The following GDF11 variants were observed in gnomAD, a reference collection of about 807,000 sequenced individuals.
The protein encoded by GDF11 is growth/differentiation factor 11.
Under a neutral mutation model 34.4 loss-of-function variants are expected in GDF11, and 12 were observed. That is an observed-to-expected ratio of 0.35 (90% CI 0.22 to 0.57). The LOEUF is 0.57. Among genes scored for constraint, GDF11 ranks in the 20% least tolerant of loss-of-function variants. The pLI, the probability that GDF11 is intolerant of heterozygous loss-of-function variation, is 0.86. For synonymous variants in GDF11, 212 were observed against 231.1 expected (o/e 0.92, Z 0.75); for missense variants, 346 against 548.2 (o/e 0.63, Z 3.68).
rs1410302286 is a variant in GDF11, at chr12:55,750,930, C to T, written c.*1048C>T. ...GAGACCAAAGAGCCTCTGGAATGGCCCTGCTCCCAGCCTCTATCTTCAGGT... is the reference window on the plus strand; with the variant it reads ...GAGACCAAAGAGCCTCTGGAATGGCTCTGCTCCCAGCCTCTATCTTCAGGT... On this transcript the variant is annotated 3_prime_UTR_variant, in exon 3 of 3. Coordinates refer to ENST00000257868, the MANE Select transcript of GDF11 (RefSeq NM_005811.5). The T allele has an allele frequency of 6.6e-6, 1 of 152,140 alleles. No homozygotes were observed. The highest frequency in any genetic ancestry group is 2.4e-5 in the African/African-American group (1 of 41,410). 9.4% of individuals were successfully genotyped at this position (152,140 alleles called of 1,614,324 possible). A position where few individuals can be genotyped will look rare whatever the true frequency, so the allele number is the denominator to read the frequency against.
At chr12:55,746,882 T>G (rs892137912) in intron 1 of GDF11, among the ~76,000 whole-genome samples, 1 of 152,212 alleles carries the variant, frequency 6.6e-6, no homozygotes, top group African/African-American at 2.4e-5. Context: ...AGAACAGAAT[T>G]TAGATGCCAG....
rs918129343 is a variant in GDF11 at position 55,743,312 on chromosome 12, C to G, written c.-5C>G. On this transcript the variant is annotated 5_prime_UTR_variant, in exon 1 of 3. Transcript: ENST00000257868. ...CCCCCAGTCCTCCCTCCCCTCCCCT[C>G]CAGCATGGTGCTCGCGGCCCCGCTG... is the stretch of plus-strand genomic sequence containing the variant. 34 of 983,074 alleles carry G rather than the reference C, an allele frequency of 3.5e-5. No individual in the cohort carries two copies. The highest frequency in any genetic ancestry group is 5.1e-4 in the Middle Eastern group (1 of 1,970). The allele number at this position is 983,074 out of a possible 1,614,324, so 60.9% of individuals were successfully genotyped here. A position where few individuals can be genotyped will look rare whatever the true frequency, so the allele number is the denominator to read the frequency against.
chr12:55,753,015 AG>A lies in GDF11; in HGVS notation c.*3136del, dbSNP rs1339570186. 6.6e-6 allele frequency: 1 copy of A among 152,238 alleles called. No individual in the cohort carries two copies. Among genetic ancestry groups the A allele is most frequent in the Non-Finnish European group, 1.5e-5 (1 of 68,056 alleles). The allele number at this position is 152,238 out of a possible 1,614,324, so 9.4% of individuals were successfully genotyped here. A position where few individuals can be genotyped will look rare whatever the true frequency, so the allele number is the denominator to read the frequency against. On this transcript the variant is annotated 3_prime_UTR_variant, in exon 3 of 3. Transcript: ENST00000257868. ...TCCTGGAGCAAGACAGAAAACACTA[AG>A]GGCATGGTGGTATAAGGTTTGGGAC...
chr12:55,750,163 G>C lies in GDF11; in HGVS notation c.*281G>C. The C allele has an allele frequency of 2.6e-6, 1 of 388,830 alleles. No homozygotes were observed. The highest frequency in any genetic ancestry group is 4.6e-6 in the Non-Finnish European group (1 of 215,524). 24.1% of individuals were successfully genotyped at this position (388,830 alleles called of 1,614,324 possible). A position where few individuals can be genotyped will look rare whatever the true frequency, so the allele number is the denominator to read the frequency against. On this transcript the variant is annotated 3_prime_UTR_variant, in exon 3 of 3. Coordinates refer to ENST00000257868, the MANE Select transcript of GDF11 (RefSeq NM_005811.5). ...AGAGAGATGTAGAGACAGTGATAGAGACAGAGGAACAAAAAGAGCAGCAGT... is the reference window on the plus strand; with the variant it reads ...AGAGAGATGTAGAGACAGTGATAGACACAGAGGAACAAAAAGAGCAGCAGT...
chr12:55,745,405 G>A (rs1029816732), intron 1 of GDF11, among the ~76,000 whole-genome samples: 2 of 152,072 alleles, frequency 1.3e-5, no homozygotes, highest in Non-Finnish European at 2.9e-5. Flanking sequence ...GCCTTCATGA[G>A]TTGGGCTGTG....
rs1878501643 is a variant in GDF11 at position 55,756,221 on chromosome 12, G to A, written c.*6339G>A. ...CAATTTTAAGGTTTATTTGGTTGAAGAGGTGTCAAAAATTTAACCAGCATT... is the reference window on the plus strand; with the variant it reads ...CAATTTTAAGGTTTATTTGGTTGAAAAGGTGTCAAAAATTTAACCAGCATT... On this transcript the variant is annotated 3_prime_UTR_variant, in exon 3 of 3. Coordinates refer to ENST00000257868, the MANE Select transcript of GDF11 (RefSeq NM_005811.5). The A allele has an allele frequency of 6.6e-6, 1 of 152,204 alleles. No homozygotes were observed. Among genetic ancestry groups the A allele is most frequent in the Admixed American group, 6.5e-5 (1 of 15,274 alleles). The allele number at this position is 152,204 out of a possible 1,614,324, so 9.4% of individuals were successfully genotyped here. A position where few individuals can be genotyped will look rare whatever the true frequency, so the allele number is the denominator to read the frequency against.
rs1357485417 is a variant in GDF11, at chr12:55,749,150, AT to A, written c.843+169del. Among the ~76,000 whole-genome samples the A allele has an allele frequency of 1.3e-5, 2 of 152,196 alleles. No homozygotes were observed. The highest frequency in any genetic ancestry group is 1.3e-4 in the Admixed American group (2 of 15,282). ...GGAGGTGAGGAGTGGGGTGGCAACTATTACTTCTCAAGGATCCAAATCAGAC... is the reference window on the plus strand; with the variant it reads ...GGAGGTGAGGAGTGGGGTGGCAACTATACTTCTCAAGGATCCAAATCAGAC... On this transcript the variant is annotated intron_variant, in intron 2 of 2. Transcript: ENST00000257868. The surrounding 1 kb of genome is among the most constrained non-coding windows in gnomAD (Gnocchi z 5.6).
At chr12:55,747,392 G>T (rs960497623) in intron 1 of GDF11, among the ~76,000 whole-genome samples, 1 of 152,108 alleles carries the variant, frequency 6.6e-6, no homozygotes, top group East Asian at 1.9e-4. Context: ...CTCCCAGGGT[G>T]GGGGTGGGGA....
rs1878369593 is a variant in GDF11, at chr12:55,752,883, T to C, written c.*3001T>C. The C allele has an allele frequency of 6.6e-6, 1 of 151,924 alleles. No homozygotes were observed. The highest frequency in any genetic ancestry group is 2.4e-5 in the African/African-American group (1 of 41,352). The allele number at this position is 151,924 out of a possible 1,614,324, so 9.4% of individuals were successfully genotyped here. A position where few individuals can be genotyped will look rare whatever the true frequency, so the allele number is the denominator to read the frequency against. On this transcript the variant is annotated 3_prime_UTR_variant, in exon 3 of 3. Transcript: ENST00000257868. ...AGCGGTCAAAGAGTTTAGAATTCAG[T>C]GCTGAGCTCTTCTCCCTAATCAAGT...
In GDF11 at chr12:55,749,771, T is replaced by C. The variant is rs1396347902; in HGVS notation, c.1113T>C (p.Cys371=). 6.2e-6 allele frequency: 10 copies of C among 1,614,032 alleles called. No individual in the cohort carries two copies. Among genetic ancestry groups the C allele is most frequent in the Non-Finnish European group, 8.5e-6 (10 of 1,180,032 alleles). The change falls in exon 3 of 3, where the codon TGT becomes TGC. Residue 371 remains cysteine, a synonymous_variant. Coordinates refer to ENST00000257868, the MANE Select transcript of GDF11 (RefSeq NM_005811.5). The surrounding 1 kb of genome is among the most constrained non-coding windows in gnomAD (Gnocchi z 5.6). ...ATCCAAGAGGCTCTGCTGGGCCCTG[T>C]TGTACCCCCACCAAGATGTCCCCAA... ...QANPRGSAGP[C]CTPTKMSPIN...
At position 55,754,298 on chromosome 12, in the gene GDF11, A is replaced by C. The variant is rs1483955471; in HGVS notation, c.*4416A>C. ...AAGACTACTCAAGATGACTTTTTAC[A>C]AGTCTTTTCTTTATCCTAAAACATC... On this transcript the variant is annotated 3_prime_UTR_variant, in exon 3 of 3. Transcript: ENST00000257868. 6.6e-6 allele frequency: 1 copy of C among 152,244 alleles called. No individual in the cohort carries two copies. Among genetic ancestry groups the C allele is most frequent in the Non-Finnish European group, 1.5e-5 (1 of 68,052 alleles). The allele number at this position is 152,244 out of a possible 1,614,324, so 9.4% of individuals were successfully genotyped here.
At position 55,754,795 on chromosome 12, in the gene GDF11, G is replaced by A. The variant is rs1383108840; in HGVS notation, c.*4913G>A. ...AACCTTCACAATGGGGTTCCTTTTGGTACAGTCTGAAAAGAGAATGATTAT... is the reference window on the plus strand; with the variant it reads ...AACCTTCACAATGGGGTTCCTTTTGATACAGTCTGAAAAGAGAATGATTAT... On this transcript the variant is annotated 3_prime_UTR_variant, in exon 3 of 3. Transcript: ENST00000257868. 6.6e-6 allele frequency: 1 copy of A among 152,178 alleles called. No homozygotes were observed. Among genetic ancestry groups the A allele is most frequent in the African/African-American group, 2.4e-5 (1 of 41,420 alleles). The allele number at this position is 152,178 out of a possible 1,614,324, so 9.4% of individuals were successfully genotyped here. A position where few individuals can be genotyped will look rare whatever the true frequency, so the allele number is the denominator to read the frequency against.
chr12:55,748,553 C>G lies in GDF11; in HGVS notation c.446-33C>G, dbSNP rs750238991. ...ACTACTGATCCCCTACACAAACACC[C>G]TTTGCTGATGCTGTGCCCTTCTCTC... On this transcript the variant is annotated intron_variant, in intron 1 of 2. Transcript: ENST00000257868. The surrounding 1 kb of genome is among the most constrained non-coding windows in gnomAD (Gnocchi z 5.6). 6.4e-7 allele frequency: 1 copy of G among 1,566,490 alleles called. No individual in the cohort carries two copies. The highest frequency in any genetic ancestry group is 8.7e-7 in the Non-Finnish European group (1 of 1,154,234).
At chr12:55,746,131 A>C (rs1878180899) in intron 1 of GDF11, among the ~76,000 whole-genome samples, 1 of 152,048 alleles carries the variant, frequency 6.6e-6, no homozygotes, top group African/African-American at 2.4e-5. Flanking sequence ...TTCAACACAG[A>C]TGTGGCCCCT....
At chr12:55,747,675 C>G (rs1878213357) in intron 1 of GDF11, among the ~76,000 whole-genome samples, 1 of 152,098 alleles carries the variant, frequency 6.6e-6, no homozygotes, top group African/African-American at 2.4e-5. Context: ...CAAGAAGGAT[C>G]AATTTAAGGT....
In GDF11 at chr12:55,749,087, G is replaced by C. The variant is rs776996524; in HGVS notation, c.843+104G>C. 4.2e-6 allele frequency: 5 copies of C among 1,190,492 alleles called. No homozygotes were observed. Among genetic ancestry groups the C allele is most frequent in the Non-Finnish European group, 5.7e-6 (5 of 869,774 alleles). 73.7% of individuals were successfully genotyped at this position (1,190,492 alleles called of 1,614,324 possible). ...GGAATGTGAAGGAGGTTGGGGACCA[G>C]CATTACTTCTCTGGGGTCAGCAGCT... On this transcript the variant is annotated intron_variant, in intron 2 of 2. Coordinates refer to ENST00000257868, the MANE Select transcript of GDF11 (RefSeq NM_005811.5). The surrounding 1 kb of genome is among the most constrained non-coding windows in gnomAD (Gnocchi z 5.6).
In GDF11 at chr12:55,752,699, T is replaced by C. The variant is rs1878363093; in HGVS notation, c.*2817T>C. ...ATTGGAATGCCAGGAAAGAACTTCT[T>C]CAACTGAGATCAAGGCTTCCTGGAG... is the stretch of plus-strand genomic sequence containing the variant. On this transcript the variant is annotated 3_prime_UTR_variant, in exon 3 of 3. Transcript: ENST00000257868. 6.6e-6 allele frequency: 1 copy of C among 152,186 alleles called. No homozygotes were observed. The highest frequency in any genetic ancestry group is 1.5e-5 in the Non-Finnish European group (1 of 68,036). 9.4% of individuals were successfully genotyped at this position (152,186 alleles called of 1,614,324 possible).
rs2136167970 is a variant in GDF11 at position 55,749,780 on chromosome 12, C to T, written c.1122C>T (p.Pro374=). The change falls in exon 3 of 3, where the codon CCC becomes CCT. Residue 374 remains proline (P), a synonymous_variant. Coordinates refer to ENST00000257868, the MANE Select transcript of GDF11 (RefSeq NM_005811.5). The surrounding 1 kb of genome is among the most constrained non-coding windows in gnomAD (Gnocchi z 5.6). ...PRGSAGPCCT[P]TKMSPINMLY... ...GCTCTGCTGGGCCCTGTTGTACCCC[C>T]ACCAAGATGTCCCCAATCAACATGC... 2 of 1,614,156 alleles carry T rather than the reference C, an allele frequency of 1.2e-6. No individual in the cohort carries two copies. The highest frequency in any genetic ancestry group is 8.5e-7 in the Non-Finnish European group (1 of 1,180,036).
Position 55,750,021 on chromosome 12 carries a change from A to C in GDF11, c.*139A>C. 1 of 746,270 alleles carries C rather than the reference A, an allele frequency of 1.3e-6. No homozygotes were observed. The highest frequency in any genetic ancestry group is 2.2e-6 in the Non-Finnish European group (1 of 463,142). The allele number at this position is 746,270 out of a possible 1,614,324, so 46.2% of individuals were successfully genotyped here. On this transcript the variant is annotated 3_prime_UTR_variant, in exon 3 of 3. Transcript: ENST00000257868. ...TCCCCGACCAAGCCGTGTGCAATACAACAGAGGGAGGCAGGTGGGAATTGA... is the reference window on the plus strand; with the variant it reads ...TCCCCGACCAAGCCGTGTGCAATACCACAGAGGGAGGCAGGTGGGAATTGA...
Sources: allele counts gnomAD v4.1 joint callset (sites outside exome capture counted in the v4.1 genomes callset), GRCh38; gene constraint gnomAD v4.1.1; non-coding constraint Gnocchi (gnomAD v3.1); transcripts MANE v1.5; gene names NCBI Gene and HGNC (gene_info 2026-07-23, HGNC 2026-07-21).